Variants in PSD2 observed in about 807,000 individuals in gnomAD.
The protein encoded by PSD2 is PH and SEC7 domain-containing protein 2.
Under a neutral mutation model 69.8 loss-of-function variants are expected in PSD2, and 38 were observed. The ratio of observed to expected loss-of-function variants is 0.54; its 90% CI spans 0.42 to 0.71. The LOEUF is 0.71. Ranked by LOEUF, PSD2 falls within the 30% of genes least tolerant of loss-of-function variation. PSD2 has a pLI of 0.00. For synonymous variants in PSD2, 412 were observed against 423.0 expected, an observed-to-expected ratio of 0.97 and a Z score of 0.32; for missense variants, 943 against 1,014.5, an observed-to-expected ratio of 0.93 and a Z score of 0.96.
At chr5:139,836,259 G>A (rs572902055) in intron 9 of PSD2, among the ~76,000 whole-genome samples, 1 of 152,316 alleles carries the variant, frequency 6.6e-6, no homozygotes, top group Middle Eastern at 3.4e-3. Context: ...CTTGCTGTTT[G>A]GGGAGACCGT....
At chr5:139,777,886 A>C in the PSD2 span, among the ~76,000 whole-genome samples, 1 of 152,302 alleles carries the variant, frequency 6.6e-6, no homozygotes, top group Admixed American at 6.5e-5. Context: ...CTGTCTCAAA[A>C]ACAGACAAAT....
intron 7 of PSD2, among the ~76,000 whole-genome samples, chr5:139,830,592 T>TTCTTTCTTTCTC (rs779474791): frequency 8.1e-5 from 7 of 85,974 alleles, no homozygotes; most frequent in African/African-American, 2.7e-4. Flanking sequence ...CTTTCTTTCT[T>TTCTTTCTTTCTC]TTTCTTTCTT....
Position 139,817,476 on chromosome 5 carries a change from G to C in PSD2, c.1017-5G>C. On this transcript the variant is annotated splice_region_variant and splice_polypyrimidine_tract_variant and intron_variant, in intron 4 of 14. Coordinates refer to ENST00000274710, the MANE Select transcript of PSD2 (RefSeq NM_032289.4). ...TCTAACAGACATCCCATACTCTCCT[G>C]GCAGCAACGAGTTTAGCAGGCTGGT... 1 of 1,613,388 alleles carries C rather than the reference G, an allele frequency of 6.2e-7. No homozygotes were observed. The highest frequency in any genetic ancestry group is 8.5e-7 in the Non-Finnish European group (1 of 1,179,330).
chr5:139,766,928 C>CTTTCTTT, the PSD2 span, among the ~76,000 whole-genome samples: 139 of 31,228 alleles, frequency 4.5e-3, 12 homozygotes, highest in East Asian at 0.011. Context: ...TTCCTTCCTT[C>CTTTCTTT]CCTTCTTTCT....
the PSD2 span, among the ~76,000 whole-genome samples, chr5:139,766,971 T>G: frequency 6.9e-6 from 1 of 144,810 alleles, no homozygotes; most frequent in Non-Finnish European, 1.5e-5. Flanking sequence ...CTTTCTTTCT[T>G]TCTTTCTTTC....
At chr5:139,777,587 G>A in the PSD2 span, among the ~76,000 whole-genome samples, 98 of 152,286 alleles carry the variant, frequency 6.4e-4, no homozygotes, top group Non-Finnish European at 1.0e-3. Flanking sequence ...GGCCATGCTA[G>A]AAATGTGGGG....
the PSD2 span, among the ~76,000 whole-genome samples, chr5:139,788,680 C>T: frequency 6.6e-6 from 1 of 152,202 alleles, no homozygotes; most frequent in Non-Finnish European, 1.5e-5. Context: ...CCTTAGATGC[C>T]GTTCTGGGCC....
Position 139,842,340 on chromosome 5 carries a change from C to T in PSD2, c.2182C>T (p.Arg728Trp), listed in dbSNP as rs746213462. ...KIKVGSDDLE[R>W]IEARLATLEG... ...CAAAGTGGGCTCAGATGATCTGGAG[C>T]GGATTGAGGCCCGGCTGGCCACTCT... is the stretch of plus-strand genomic sequence containing the variant. The change falls in exon 15 of 15, where the codon CGG (arginine) becomes TGG (tryptophan). Residue 728 changes from arginine to tryptophan, a missense_variant. Physicochemically the swap from Arg to Trp is moderately radical, Grantham distance 101. Around this residue, in one of 3 missense-constraint regions of PSD2, gnomAD observed 165 missense variants for 168.8 expected, o/e 0.98. Coordinates refer to ENST00000274710, the MANE Select transcript of PSD2 (RefSeq NM_032289.4). The T allele has an allele frequency of 6.3e-5, 102 of 1,614,046 alleles. No individual in the cohort carries two copies. Among genetic ancestry groups the T allele is most frequent in the Non-Finnish European group, 7.3e-5 (86 of 1,180,022 alleles).
chr5:139,745,616 C>T, the PSD2 span, among the ~76,000 whole-genome samples: 1 of 152,246 alleles, frequency 6.6e-6, no homozygotes, highest in Non-Finnish European at 1.5e-5. Context: ...GCCCCCGTCC[C>T]CAAGAGTGAC....
chr5:139,786,812 C>T, the PSD2 span, among the ~76,000 whole-genome samples: 2 of 152,084 alleles, frequency 1.3e-5, no homozygotes, highest in Non-Finnish European at 2.9e-5. Context: ...GCCAACTTGA[C>T]GCGTTTTTGG....
At chr5:139,773,314 G>A in the PSD2 span, among the ~76,000 whole-genome samples, 1 of 152,032 alleles carries the variant, frequency 6.6e-6, no homozygotes, top group African/African-American at 2.4e-5. Flanking sequence ...CCGGGCTGGA[G>A]TGCAGTGGCA....
the PSD2 span, among the ~76,000 whole-genome samples, chr5:139,754,964 A>C: frequency 6.6e-6 from 1 of 152,148 alleles, no homozygotes. Flanking sequence ...GTGTGTGTGC[A>C]GTGGAGAGGG....
chr5:139,837,372 C>G lies in PSD2; in HGVS notation c.1665+134C>G. 1.1e-6 allele frequency: 1 copy of G among 946,910 alleles called. No individual in the cohort carries two copies. Among genetic ancestry groups the G allele is most frequent in the Non-Finnish European group, 1.6e-6 (1 of 625,810 alleles). 58.7% of individuals were successfully genotyped at this position (946,910 alleles called of 1,614,324 possible). ...TGCTGGGTCCTTCCCCAGACTTGGGCCCTCTCAGGGCTTTGGAGGTTTTTG... is the reference window on the plus strand; with the variant it reads ...TGCTGGGTCCTTCCCCAGACTTGGGGCCTCTCAGGGCTTTGGAGGTTTTTG... On this transcript the variant is annotated intron_variant, in intron 11 of 14. Coordinates refer to ENST00000274710, the MANE Select transcript of PSD2 (RefSeq NM_032289.4). This position sits in a 1 kb window ranked among gnomAD's most constrained non-coding sequence, Gnocchi z 5.0.
chr5:139,775,763 G>T, the PSD2 span, among the ~76,000 whole-genome samples: 51 of 152,318 alleles, frequency 3.3e-4, 1 homozygote, highest in South Asian at 5.0e-3. Flanking sequence ...CCGTCTCCGA[G>T]GTTCAAGCGA....
chr5:139,800,603 G>A (rs896965154), intron 1 of PSD2, among the ~76,000 whole-genome samples: 6 of 152,104 alleles, frequency 3.9e-5, no homozygotes, highest in Non-Finnish European at 8.8e-5. Flanking sequence ...CTCACCCTCC[G>A]GCCTCTCCCA....
At chr5:139,757,295 G>A in the PSD2 span, among the ~76,000 whole-genome samples, 1 of 152,210 alleles carries the variant, frequency 6.6e-6, no homozygotes, top group Non-Finnish European at 1.5e-5. Context: ...ACTGCTTACA[G>A]CCCTTGGGCA....
At chr5:139,766,876 T>TTTCC in the PSD2 span, among the ~76,000 whole-genome samples, 1 of 150,402 alleles carries the variant, frequency 6.6e-6, no homozygotes, top group Non-Finnish European at 1.5e-5. Context: ...TCTTTCTTTC[T>TTTCC]TTCTTTCTTT....
At chr5:139,809,863 T>A in intron 2 of PSD2, 52 bp downstream of exon 2, 1 of 1,593,168 alleles carries the variant, frequency 6.3e-7, no homozygotes, top group Non-Finnish European at 8.5e-7. Flanking sequence ...GTTCTGTTGT[T>A]GTGTGGCCTG....
intron 8 of PSD2, among the ~76,000 whole-genome samples, chr5:139,834,079 A>ACCG (rs1760657256): frequency 6.6e-6 from 1 of 152,068 alleles, no homozygotes; most frequent in Non-Finnish European, 1.5e-5. Flanking sequence ...ACCCACCACA[A>ACCG]CCGCCACCAC....
Sources: gnomAD v4.1 joint callset for allele counts (sites outside exome capture counted in the v4.1 genomes callset) on GRCh38, gnomAD v4.1.1 for gene constraint, gnomAD v4.1.1 regional missense constraint, Gnocchi (gnomAD v3.1) non-coding constraint, MANE v1.5 for transcripts, NCBI Gene and HGNC (gene_info 2026-07-23, HGNC 2026-07-21) for gene names.